The following UMAD1 variants were observed in gnomAD, a reference collection of about 807,000 sequenced individuals.
UMAD1 encodes UBAP1-MVB12-associated (UMA) domain containing 1.
A neutral mutation model predicts 6.1 loss-of-function variants in UMAD1; 8 were observed. The ratio of observed to expected loss-of-function variants is 1.30; its 90% CI spans 0.76 to 2.35. UMAD1 has a LOEUF of 2.35. Ranked by LOEUF, UMAD1 falls within the 30% of genes most tolerant of loss-of-function variation. The pLI is 0.00. For synonymous variants in UMAD1, 56 were observed against 31.4 expected, an observed-to-expected ratio of 1.78 and a Z score of -2.61; for missense variants, 130 against 78.4, an observed-to-expected ratio of 1.66 and a Z score of -2.49.
intron 2 of UMAD1, among the ~76,000 whole-genome samples, chr7:7,735,430 A>T (rs1379551229): frequency 5.4e-5 from 8 of 148,638 alleles, no homozygotes; most frequent in Admixed American, 4.7e-4. Context: ...TTTTTTTGAG[A>T]CAGAGTTTCA....
chr7:7,692,897 G>A (rs1248103925), intron 2 of UMAD1, among the ~76,000 whole-genome samples: 4 of 152,294 alleles, frequency 2.6e-5, no homozygotes, highest in South Asian at 4.1e-4. Context: ...ATGAGCCACC[G>A]TGCCTGGCCA....
intron 3 of UMAD1, among the ~76,000 whole-genome samples, chr7:7,853,326 T>C (rs1783954465): frequency 6.6e-6 from 1 of 152,194 alleles, no homozygotes; most frequent in South Asian, 2.1e-4. Context: ...CCATATGGAT[T>C]TTAGGATCCA....
intron 1 of UMAD1, among the ~76,000 whole-genome samples, chr7:7,645,334 C>G (rs1361649044): frequency 6.6e-6 from 1 of 152,162 alleles, no homozygotes; most frequent in Non-Finnish European, 1.5e-5. Context: ...CGCTTATTCT[C>G]ACATGTGAAA....
intron 3 of UMAD1, among the ~76,000 whole-genome samples, chr7:7,863,026 AAAG>A: frequency 6.6e-6 from 1 of 152,152 alleles, no homozygotes; most frequent in Middle Eastern, 3.4e-3. Flanking sequence ...ATGTAAAAAA[AAAG>A]AAATCAGCTT....
chr7:7,741,200 TA>T (rs754720903), intron 2 of UMAD1: 1 of 152,120 alleles, frequency 6.6e-6, no homozygotes, highest in Non-Finnish European at 1.5e-5. Flanking sequence ...TAAGTCTTTA[TA>T]AAGTTTCTCT....
At chr7:7,833,236 A>G (rs895847545) in intron 3 of UMAD1, among the ~76,000 whole-genome samples, 2 of 152,184 alleles carry the variant, frequency 1.3e-5, no homozygotes, top group African/African-American at 4.8e-5. Context: ...GATGAACTGC[A>G]GTGGAACAGA....
At chr7:7,822,102 T>C (rs76265444) in intron 3 of UMAD1, among the ~76,000 whole-genome samples, 4,716 of 152,194 alleles carry the variant, frequency 0.031, 259 homozygotes, top group African/African-American at 0.11. Flanking sequence ...CATTTATTAA[T>C]AATCAGCCTC....
intron 2 of UMAD1, among the ~76,000 whole-genome samples, chr7:7,785,003 C>T (rs1299937730): frequency 6.6e-6 from 1 of 152,264 alleles, no homozygotes; most frequent in East Asian, 1.9e-4. Context: ...ATTGTCTGAA[C>T]TGTGTTGGAG....
At chr7:7,781,326 C>T (rs1169069363) in intron 2 of UMAD1, among the ~76,000 whole-genome samples, 2 of 151,952 alleles carry the variant, frequency 1.3e-5, no homozygotes, top group East Asian at 1.9e-4. Context: ...CCCCTCCCGA[C>T]CTTATTCTTT....
chr7:7,736,794 C>T (rs1781368691), intron 2 of UMAD1: 1 of 152,254 alleles, frequency 6.6e-6, no homozygotes, highest in Non-Finnish European at 1.5e-5. Context: ...TGTATCTCTC[C>T]TCTGAGCTTT....
chr7:7,860,313 A>C (rs1222470238), intron 3 of UMAD1, among the ~76,000 whole-genome samples: 1 of 152,188 alleles, frequency 6.6e-6, no homozygotes, highest in African/African-American at 2.4e-5. Flanking sequence ...ATAAGTTTAT[A>C]ATTCAAAATA....
chr7:7,876,834 A>C (rs1339986918), intron 3 of UMAD1, among the ~76,000 whole-genome samples: 1 of 152,218 alleles, frequency 6.6e-6, no homozygotes, highest in Admixed American at 6.5e-5. Context: ...GCAATTTGCA[A>C]GGACACATAT....
At position 7,659,623 on chromosome 7, in the gene UMAD1, G is replaced by A. The variant is rs191212449; in HGVS notation, c.-63-13686G>A. On this transcript the variant is annotated intron_variant, in intron 1 of 3. Coordinates refer to ENST00000682710, the MANE Select transcript of UMAD1 (RefSeq NM_001302348.2). ...CATGTAGTTGTGCAGTTTTGAGTGA[G>A]TTTCTTAATCCTGTGCTCTCATTTG... Among the ~76,000 whole-genome samples, 17 of 152,310 alleles carry A rather than the reference G, an allele frequency of 1.1e-4. No individual in the cohort carries two copies. In the East Asian group the frequency reaches 2.7e-3, roughly 24 times the overall value.
intron 3 of UMAD1, among the ~76,000 whole-genome samples, chr7:7,870,801 C>A (rs1430939417): frequency 1.3e-5 from 2 of 152,198 alleles, no homozygotes; most frequent in Non-Finnish European, 2.9e-5. Context: ...AGGCAGCCTC[C>A]TTGGAGACTG....
intron 2 of UMAD1, among the ~76,000 whole-genome samples, chr7:7,703,299 G>A (rs750545724): frequency 2.0e-5 from 3 of 152,122 alleles, no homozygotes; most frequent in Non-Finnish European, 4.4e-5. Flanking sequence ...GAATTCGTGT[G>A]TTCTCATTTA....
intron 2 of UMAD1, among the ~76,000 whole-genome samples, chr7:7,685,224 TATC>T (rs1780013661): frequency 6.6e-6 from 1 of 152,170 alleles, no homozygotes; most frequent in Admixed American, 6.5e-5. Context: ...CTTAAGTAAT[TATC>T]ATATTGAGCA....
At chr7:7,673,017 G>C (rs1278230929) in intron 1 of UMAD1, among the ~76,000 whole-genome samples, 2 of 152,154 alleles carry the variant, frequency 1.3e-5, no homozygotes, top group Admixed American at 6.5e-5. Flanking sequence ...CCAGATTCTC[G>C]TGTTATCTGT....
intron 2 of UMAD1, among the ~76,000 whole-genome samples, chr7:7,716,598 G>A (rs1044969588): frequency 6.6e-6 from 1 of 152,212 alleles, no homozygotes. Context: ...TAAAGAGGCA[G>A]GCAACATGGT....
intron 2 of UMAD1, among the ~76,000 whole-genome samples, chr7:7,702,460 A>G (rs1780483600): frequency 6.6e-6 from 1 of 152,194 alleles, no homozygotes; most frequent in Admixed American, 6.6e-5. Flanking sequence ...GAGGCAGGAA[A>G]CCTGGCTTTC....
Sources: allele counts gnomAD v4.1 joint callset (sites outside exome capture counted in the v4.1 genomes callset), GRCh38; gene constraint gnomAD v4.1.1; transcripts MANE v1.5; gene names NCBI Gene and HGNC (gene_info 2026-07-23, HGNC 2026-07-21).